CFAP300: variants seen among roughly 807,000 people sequenced by gnomAD.
CFAP300 encodes the protein cilia- and flagella-associated protein 300.
Under a neutral mutation model 33.0 loss-of-function variants are expected in CFAP300, and 32 were observed. The observed-to-expected ratio is 0.97, with a 90% confidence interval of 0.73 to 1.30. The LOEUF (loss-of-function observed/expected upper bound fraction) is 1.30. Ranked by LOEUF, CFAP300 falls within the 50% of genes most tolerant of loss-of-function variation. The probability of loss-of-function intolerance (pLI) is 0.00; values close to 1 mark genes in which losing one functional copy is unlikely to be tolerated. For missense variants in CFAP300, 356 were observed against 318.1 expected, an observed-to-expected ratio of 1.12 and a Z score of -0.90; for synonymous variants, 102 against 106.8, an observed-to-expected ratio of 0.95 and a Z score of 0.28.
chr11:102,073,225 C>A (rs1372964606), intron 4 of CFAP300, among the ~76,000 whole-genome samples: 1 of 152,110 alleles, frequency 6.6e-6, no homozygotes, highest in East Asian at 1.9e-4. Flanking sequence ...GGTGGGACAA[C>A]TTTTGGGTTC....
chr11:102,058,889 A>G lies in CFAP300; in HGVS notation c.202A>G (p.Lys68Glu), dbSNP rs1347827081. ...CAAATTTGTATTTTAGGCTTTTTTC[A>G]AAGACCCAAATGTTATTCCCAATTT... ...RKDDFVMAFF[K>E]DPNVIPNLKL... The change falls in exon 3 of 7, where the codon AAA becomes GAA. Residue 68 changes from lysine to glutamate, a missense_variant. By Grantham distance (56) the Lys-to-Glu change is moderately conservative (BLOSUM62 1). Transcript: ENST00000434758. 4.4e-6 allele frequency: 7 copies of G among 1,576,008 alleles called. No individual in the cohort carries two copies. The highest frequency in any genetic ancestry group is 5.2e-6 in the Non-Finnish European group (6 of 1,162,352).
At chr11:102,047,969 C>G (rs1941910081) in intron 2 of CFAP300, 73 bp downstream of exon 2, 2 of 1,411,378 alleles carry the variant, frequency 1.4e-6, no homozygotes, top group South Asian at 1.2e-5. Flanking sequence ...GGCATAGATT[C>G]TTGTGAACAC....
At chr11:102,051,632 T>A (rs978257746) in intron 2 of CFAP300, among the ~76,000 whole-genome samples, 2 of 152,228 alleles carry the variant, frequency 1.3e-5, no homozygotes, top group Non-Finnish European at 2.9e-5. Flanking sequence ...CCAGTATGCA[T>A]GCTGGATGTA....
At position 102,083,173 on chromosome 11, in the gene CFAP300, T is replaced by G; in HGVS notation, c.778T>G (p.Cys260Gly). Residue 260 changes from cysteine (C) to glycine (G), a missense_variant, in exon 7 of 7, where the codon TGT becomes GGT. Coordinates refer to ENST00000434758, the MANE Select transcript of CFAP300 (RefSeq NM_032930.3). ...IRRHLHVLYH[C>G]YGVGDMS Reference sequence around the variant, plus strand: ...GCGTCACCTTCATGTTTTATACCACTGTTATGGTGTGGGAGACATGTCTTA... The same window carrying G: ...GCGTCACCTTCATGTTTTATACCACGGTTATGGTGTGGGAGACATGTCTTA... The G allele has an allele frequency of 2.0e-6, 3 of 1,537,778 alleles. No individual in the cohort carries two copies. Among genetic ancestry groups the G allele is most frequent in the Non-Finnish European group, 2.6e-6 (3 of 1,138,250 alleles).
intron 4 of CFAP300, among the ~76,000 whole-genome samples, chr11:102,074,057 C>CAAGA (rs892516056): frequency 2.6e-5 from 4 of 152,148 alleles, no homozygotes; most frequent in Non-Finnish European, 4.4e-5. Flanking sequence ...CCCTGGGGTA[C>CAAGA]AAGACACCAT....
intron 4 of CFAP300, among the ~76,000 whole-genome samples, chr11:102,070,912 T>G (rs566464018): frequency 6.6e-6 from 1 of 152,322 alleles, no homozygotes; most frequent in Non-Finnish European, 1.5e-5. Flanking sequence ...GAGAAGATAC[T>G]TGGTATGTTT....
chr11:102,082,658 A>G lies in CFAP300; in HGVS notation c.676-413A>G, dbSNP rs949647386. Among the ~76,000 whole-genome samples the G allele has an allele frequency of 1.6e-4, 24 of 152,346 alleles. No individual in the cohort carries two copies. The East Asian group carries it at 2.7e-3, about 17-fold the overall frequency. On this transcript the variant is annotated intron_variant, in intron 6 of 6. Transcript: ENST00000434758. ...TTTCCTGTTTTGACAGAAAATACAT[A>G]ATAGGCAAATATATTGATTATCACT...
intron 2 of CFAP300, among the ~76,000 whole-genome samples, chr11:102,055,361 C>CTTTTT (rs561779599): frequency 2.6e-5 from 3 of 113,516 alleles, no homozygotes; most frequent in Admixed American, 1.0e-4. Context: ...ATGCGTTACT[C>CTTTTT]TTTTTTTTTT....
Position 102,084,202 on chromosome 11 carries a change from T to G in CFAP300, c.*1003T>G, listed in dbSNP as rs1942515255. 1 of 152,236 alleles carries G rather than the reference T, an allele frequency of 6.6e-6. No homozygotes were observed. Among genetic ancestry groups the G allele is most frequent in the Non-Finnish European group, 1.5e-5 (1 of 68,036 alleles). 9.4% of individuals were successfully genotyped at this position (152,236 alleles called of 1,614,324 possible). On this transcript the variant is annotated 3_prime_UTR_variant, in exon 7 of 7. Transcript: ENST00000434758. ...ACTGTTCCTTATTTCATTCATAGAA[T>G]GAATGTATAACCTAGATTGTTTTTG...
intron 6 of CFAP300, among the ~76,000 whole-genome samples, chr11:102,082,347 C>A (rs1942486224): frequency 1.3e-5 from 2 of 151,034 alleles, no homozygotes; most frequent in East Asian, 3.9e-4. Context: ...ATACTGTACT[C>A]CAGACTGGGC....
At chr11:102,076,081 T>C in intron 5 of CFAP300, 36 bp downstream of exon 5, 2 of 1,560,476 alleles carry the variant, frequency 1.3e-6, no homozygotes, top group Non-Finnish European at 1.7e-6. Context: ...AAATCTCTAG[T>C]TAATAGAATA....
chr11:102,048,357 T>C (rs1405194181), intron 2 of CFAP300, among the ~76,000 whole-genome samples: 1 of 152,038 alleles, frequency 6.6e-6, no homozygotes, highest in Non-Finnish European at 1.5e-5. Flanking sequence ...TAGCTGGGAC[T>C]ACAGGTGCAG....
At position 102,083,628 on chromosome 11, in the gene CFAP300, AT is replaced by A. The variant is rs1236201292; in HGVS notation, c.*432del. On this transcript the variant is annotated 3_prime_UTR_variant, in exon 7 of 7. Coordinates refer to ENST00000434758, the MANE Select transcript of CFAP300 (RefSeq NM_032930.3). ...TATTTAACTTGTTTCATTTAATTAC[AT>A]TTCTTCATTGCACAAGCGTTTACAT... is the stretch of plus-strand genomic sequence containing the variant. 6.6e-6 allele frequency: 1 copy of A among 152,356 alleles called. No individual in the cohort carries two copies. The highest frequency in any genetic ancestry group is 2.4e-5 in the African/African-American group (1 of 41,466). 9.4% of individuals were successfully genotyped at this position (152,356 alleles called of 1,614,324 possible).
At chr11:102,048,329 G>A (rs1348008338) in intron 2 of CFAP300, among the ~76,000 whole-genome samples, 2 of 152,064 alleles carry the variant, frequency 1.3e-5, no homozygotes, top group East Asian at 1.9e-4. Context: ...TGGACCTCCC[G>A]GGCTCAAGCT....
chr11:102,079,449 A>G (rs1450311689), intron 5 of CFAP300, among the ~76,000 whole-genome samples: 1 of 152,214 alleles, frequency 6.6e-6, no homozygotes, highest in Non-Finnish European at 1.5e-5. Context: ...TTTGGAAATC[A>G]ATTTAATCCT....
intron 2 of CFAP300, 125 bp downstream of exon 2, chr11:102,048,021 A>G (rs1941910789): frequency 2.5e-6 from 2 of 813,400 alleles, no homozygotes; most frequent in Non-Finnish European, 3.8e-6. Context: ...TTTGGGAGTA[A>G]TAAAAGGTGC....
chr11:102,055,361 C>CTTTTTTTTTTTTTTTTTTTTT (rs561779599), intron 2 of CFAP300, among the ~76,000 whole-genome samples: 2 of 113,516 alleles, frequency 1.8e-5, no homozygotes, highest in Non-Finnish European at 3.4e-5. Context: ...ATGCGTTACT[C>CTTTTTTTTTTTTTTTTTTTTT]TTTTTTTTTT....
chr11:102,083,103 G>T lies in CFAP300; in HGVS notation c.708G>T (p.Lys236Asn). 6.5e-7 allele frequency: 1 copy of T among 1,530,032 alleles called. No individual in the cohort carries two copies. Among genetic ancestry groups the T allele is most frequent in the Non-Finnish European group, 8.8e-7 (1 of 1,136,214 alleles). The allele number at this position is 1,530,032 out of a possible 1,614,324, so 94.8% of individuals were successfully genotyped here. Reference protein sequence around the residue: ...DSAGMCYPSAKNHEQTFSYFI... With the variant: ...DSAGMCYPSANNHEQTFSYFI... The stretch of plus-strand genomic sequence containing the variant: ...CTGGTATGTGCTATCCTTCAGCAAA[G>T]AATCATGAACAGACATTTTCTTACT... The change falls in exon 7 of 7, where the codon AAG becomes AAT. Residue 236 changes from lysine to asparagine, a missense_variant. Lys to Asn is a moderately conservative substitution (Grantham distance 94). Coordinates refer to ENST00000434758, the MANE Select transcript of CFAP300 (RefSeq NM_032930.3).
chr11:102,073,952 C>T lies in CFAP300; in HGVS notation c.436-1921C>T, dbSNP rs114291232. 9.2e-3 allele frequency among the ~76,000 whole-genome samples: 1,401 copies of T among 152,196 alleles called. 9 individuals carry two copies. The highest frequency in any genetic ancestry group is 0.014 in the Middle Eastern group (4 of 294). On this transcript the variant is annotated intron_variant, in intron 4 of 6. Transcript: ENST00000434758. The stretch of plus-strand genomic sequence containing the variant: ...GTGGCAAGGTTGCTATCAGTGACAG[C>T]GGCCCCAGGTAAGTGGGTTTCAGGC...
Sources: allele counts gnomAD v4.1 joint callset (sites outside exome capture counted in the v4.1 genomes callset), GRCh38; gene constraint gnomAD v4.1.1; transcripts MANE v1.5; gene names NCBI Gene and HGNC (gene_info 2026-07-23, HGNC 2026-07-21).